The following CYLC1 variants were observed in gnomAD, a reference collection of about 807,000 sequenced individuals.
The protein encoded by CYLC1 is cylicin 1, also known as cylicin-1.
CYLC1 carries 2 observed loss-of-function variants against 31.6 expected under a neutral mutation model. That is an observed-to-expected ratio of 0.06 (90% CI 0.03 to 0.20). The LOEUF (loss-of-function observed/expected upper bound fraction) is 0.20. Ranked by LOEUF, CYLC1 falls within the 10% of genes least tolerant of loss-of-function variation. CYLC1 has a pLI of 1.00. For missense variants in CYLC1, 595 were observed against 424.1 expected, an observed-to-expected ratio of 1.40 and a Z score of -3.54; for synonymous variants, 185 against 153.0, an observed-to-expected ratio of 1.21 and a Z score of -1.54.
chrX:83,864,015 C>T (rs2031554997), intron 1 of CYLC1, among the ~76,000 whole-genome samples: 1 of 111,523 alleles, frequency 9.0e-6, no homozygotes, highest in African/African-American at 3.3e-5. Flanking sequence ...ATGCATTACA[C>T]CAATATCTGC....
chrX:83,881,717 T>C (rs1369740884), intron 4 of CYLC1, among the ~76,000 whole-genome samples: 1 of 86,380 alleles, frequency 1.2e-5, no homozygotes, highest in Non-Finnish European at 2.3e-5. Flanking sequence ...TTTGAAACTG[T>C]CATTACCTGA....
chrX:83,868,586 T>C (rs1445909508), intron 1 of CYLC1, among the ~76,000 whole-genome samples: 1 of 111,100 alleles, frequency 9.0e-6, no homozygotes, highest in African/African-American at 3.3e-5. Context: ...TATTGTGAAA[T>C]GGTGGTCAAG....
Position 83,873,378 on chromosome X carries a change from T to G in CYLC1, c.670T>G (p.Leu224Val). The change falls in exon 4 of 5, where the codon TTG (leucine) becomes GTG (valine). Residue 224 changes from leucine (L) to valine (V), a missense_variant. Transcript: ENST00000329312. ...TACAAAGAACAATCCAAAGAAAGAT[T>G]TGAAGAGGTCAAAGACTAGTAATGA... ...LHTKNNPKKD[L>V]KRSKTSNDPI... is the part of the protein sequence containing the mutation. 8.3e-7 allele frequency: 1 copy of G among 1,203,738 alleles called. No homozygotes were observed. Among genetic ancestry groups the G allele is most frequent in the African/African-American group, 1.7e-5 (1 of 57,443 alleles).
chrX:83,865,263 T>TACAC (rs769989735), intron 1 of CYLC1, among the ~76,000 whole-genome samples: 2 of 108,630 alleles, frequency 1.8e-5, no homozygotes, highest in East Asian at 2.9e-4. Context: ...TAAACATGCA[T>TACAC]ACACACACAC....
chrX:83,864,952 T>C (rs1414706323), intron 1 of CYLC1, among the ~76,000 whole-genome samples: 4 of 111,027 alleles, frequency 3.6e-5, no homozygotes, highest in African/African-American at 1.3e-4. Flanking sequence ...ATCTTGGACC[T>C]CTTTTTTTCT....
chrX:83,874,396 G>A lies in CYLC1; in HGVS notation c.1688G>A (p.Gly563Asp). Residue 563 changes from glycine (G) to aspartate (D), a missense_variant, in exon 4 of 5, where the codon GGC becomes GAC. Transcript: ENST00000329312. ...GAKKKIDESD[G>D]TSANSKMEGL... is the part of the protein sequence containing the mutation. ...AAGAAGAAAATTGATGAATCAGATG[G>A]CACATCTGCAAATTCAAAGATGGAA... 1 of 1,209,705 alleles carries A rather than the reference G, an allele frequency of 8.3e-7. No homozygotes were observed. The highest frequency in any genetic ancestry group is 1.1e-6 in the Non-Finnish European group (1 of 894,356).
At position 83,872,934 on chromosome X, in the gene CYLC1, T is replaced by C; in HGVS notation, c.226T>C (p.Trp76Arg). 7 of 1,192,557 alleles carry C rather than the reference T, an allele frequency of 5.9e-6. No homozygotes were observed. The highest frequency in any genetic ancestry group is 7.9e-6 in the Non-Finnish European group (7 of 889,193). The change falls in exon 4 of 5, where the codon TGG becomes CGG. Residue 76 changes from tryptophan to arginine, a missense_variant. Physicochemically the swap from Trp to Arg is moderately radical, Grantham distance 101. Transcript: ENST00000329312. ...LEEGQKPAHKWIRHSFRKILQ... is the reference protein window; with the variant it reads ...LEEGQKPAHKRIRHSFRKILQ... ...AGAAGGCCAGAAACCAGCTCATAAA[T>C]GGATAAGGCATTCTTTCAGAAAAAT... is the stretch of plus-strand genomic sequence containing the variant.
chrX:83,877,803 A>C (rs1348147370), intron 4 of CYLC1, among the ~76,000 whole-genome samples: 1 of 96,814 alleles, frequency 1.0e-5, no homozygotes, highest in Non-Finnish European at 2.0e-5. Context: ...ATTATATTTT[A>C]TTCATTTGTT....
intron 1 of CYLC1, among the ~76,000 whole-genome samples, chrX:83,866,267 A>G (rs1403431167): frequency 4.5e-5 from 5 of 111,883 alleles, no homozygotes; most frequent in African/African-American, 1.6e-4. Context: ...GGAAAATAAA[A>G]GAAAAATGGA....
chrX:83,862,683 C>G (rs1366504530), intron 1 of CYLC1, among the ~76,000 whole-genome samples: 4 of 112,448 alleles, frequency 3.6e-5, no homozygotes, highest in Non-Finnish European at 7.5e-5. Context: ...CTGATCTTCC[C>G]TCTTAGATCA....
chrX:83,872,857 A>C (rs756576595), intron 3 of CYLC1, 29 bp from the exon 4 acceptor site: 4 of 1,003,306 alleles, frequency 4.0e-6, no homozygotes, highest in Non-Finnish European at 5.3e-6. Context: ...TCATTCACAA[A>C]TGCTTATTAT....
intron 4 of CYLC1, among the ~76,000 whole-genome samples, chrX:83,878,466 T>TATATATATAAATATATATAA (rs2031858408): frequency 5.5e-5 from 1 of 18,131 alleles, no homozygotes; most frequent in African/African-American, 2.1e-4. Flanking sequence ...TATATATAAA[T>TATATATATAAATATATATAA]ATATATATAA....
chrX:83,874,321 T>C lies in CYLC1; in HGVS notation c.1613T>C (p.Ile538Thr). ...ACAGGCTTTAAAACATCTACAAAAATCAAAGGTTCAGATACTGAATCTGAA... is the reference window on the plus strand; with the variant it reads ...ACAGGCTTTAAAACATCTACAAAAACCAAAGGTTCAGATACTGAATCTGAA... ...SKTGFKTSTK[I>T]KGSDTESEES... The change falls in exon 4 of 5, where the codon ATC becomes ACC. Residue 538 changes from isoleucine (I) to threonine (T), a missense_variant. By Grantham distance (89) the Ile-to-Thr change is moderately conservative (BLOSUM62 -1). Coordinates refer to ENST00000329312, the MANE Select transcript of CYLC1 (RefSeq NM_021118.3). 1 of 1,208,870 alleles carries C rather than the reference T, an allele frequency of 8.3e-7. No individual in the cohort carries two copies. Among genetic ancestry groups the C allele is most frequent in the South Asian group, 1.8e-5 (1 of 56,686 alleles).
At chrX:83,871,390 A>G (rs1019513078) in intron 2 of CYLC1, 62 bp from the exon 3 acceptor site, 5 of 793,240 alleles carry the variant, frequency 6.3e-6, no homozygotes, top group Non-Finnish European at 9.3e-6. Context: ...ACTCAAGAAT[A>G]ATTCAGGTCT....
In CYLC1 at chrX:83,874,343, T is replaced by TGAG; in HGVS notation, c.1637_1638insGGA (p.Glu547dup). ...AAATCAAAGGTTCAGATACTGAATC[T>TGAG]GAAGAGTCACTATATAAACCTGGGG... On this transcript the variant is annotated inframe_insertion, in exon 4 of 5. Transcript: ENST00000329312. The TGAG allele has an allele frequency of 8.3e-7, 1 of 1,209,959 alleles. No homozygotes were observed. The highest frequency in any genetic ancestry group is 1.1e-6 in the Non-Finnish European group (1 of 894,407).
intron 2 of CYLC1, 107 bp from the exon 3 acceptor site, chrX:83,871,345 G>T: frequency 2.0e-6 from 1 of 489,408 alleles, no homozygotes; most frequent in Non-Finnish European, 3.3e-6. Context: ...ATATTTTAAT[G>T]TATAACTTAG....
At chrX:83,886,054 G>A (rs2031979021) in intron 4 of CYLC1, among the ~76,000 whole-genome samples, 2 of 111,187 alleles carry the variant, frequency 1.8e-5, no homozygotes, top group Admixed American at 9.6e-5. Context: ...CATTTTTGTG[G>A]ATAAAAAGTA....
At chrX:83,877,337 C>A (rs758781967) in intron 4 of CYLC1, among the ~76,000 whole-genome samples, 2 of 111,317 alleles carry the variant, frequency 1.8e-5, no homozygotes, top group South Asian at 3.7e-4. Context: ...TGGTCTTGAA[C>A]TCCTGGGCTC....
intron 4 of CYLC1, among the ~76,000 whole-genome samples, chrX:83,878,848 C>G (rs2031868946): frequency 9.5e-6 from 1 of 105,031 alleles, no homozygotes; most frequent in South Asian, 4.2e-4. Context: ...GGAGTTTTCT[C>G]CTTCCTTTTT....
Sources: allele counts gnomAD v4.1 joint callset (sites outside exome capture counted in the v4.1 genomes callset), GRCh38; gene constraint gnomAD v4.1.1; transcripts MANE v1.5; gene names NCBI Gene and HGNC (gene_info 2026-07-23, HGNC 2026-07-21).